The following M1AP variants were observed in gnomAD, a reference collection of about 807,000 sequenced individuals.
M1AP encodes meiosis 1 arrest protein.
In M1AP, 39 loss-of-function variants were observed where a neutral mutation model predicts 51.2. The observed-to-expected ratio is 0.76, with a 90% CI of 0.59 to 1.00. The LOEUF (loss-of-function observed/expected upper bound fraction) is 1.00, where lower values mean the gene tolerates loss of function less well. Ranked by LOEUF, M1AP falls within the 50% of genes least tolerant of loss-of-function variation. The pLI, the probability that M1AP is intolerant of heterozygous loss-of-function variation, is 0.00. For missense variants in M1AP, 545 were observed against 641.2 expected (o/e 0.85, Z 1.62); for synonymous variants, 251 against 249.2 (o/e 1.01, Z -0.07).
Position 74,629,457 on chromosome 2 carries a change from A to T in M1AP, c.240+10579T>A, listed in dbSNP as rs762205500. Among the ~76,000 whole-genome samples the T allele has an allele frequency of 3.3e-4, 50 of 152,332 alleles. 1 individual carries two copies. Among genetic ancestry groups the T allele is most frequent in the South Asian group, 1.0e-3 (5 of 4,832 alleles). ...TTTGTTTCATGAACAAAATTATTTT[A>T]AAAATGTTGTATAGGCTGGGCGCGG... On this transcript the variant is annotated intron_variant, in intron 2 of 10. Transcript: ENST00000421985.
At chr2:74,606,552 T>C (rs906599326) in intron 4 of M1AP, among the ~76,000 whole-genome samples, 1 of 152,112 alleles carries the variant, frequency 6.6e-6, no homozygotes, top group African/African-American at 2.4e-5. Context: ...TATATGTATC[T>C]ATAAAATATT....
intron 5 of M1AP, chr2:74,577,038 GC>G: frequency 5.6e-6 from 2 of 354,260 alleles, no homozygotes; most frequent in Non-Finnish European, 8.2e-6. Flanking sequence ...TCTTGCTTCT[GC>G]TGCTTCCTTG....
chr2:74,635,082 A>C (rs1311149624), intron 2 of M1AP, among the ~76,000 whole-genome samples: 1 of 152,132 alleles, frequency 6.6e-6, no homozygotes, highest in Non-Finnish European at 1.5e-5. Flanking sequence ...TTAAATGTTT[A>C]GTAGAATTCT....
intron 5 of M1AP, among the ~76,000 whole-genome samples, chr2:74,581,367 T>C (rs965425562): frequency 5.3e-5 from 8 of 152,098 alleles, no homozygotes; most frequent in Non-Finnish European, 1.2e-4. Context: ...AATGAGAATA[T>C]TGAGAAATGT....
At chr2:74,562,783 G>A (rs1678115358) in intron 7 of M1AP, among the ~76,000 whole-genome samples, 1 of 152,076 alleles carries the variant, frequency 6.6e-6, no homozygotes, top group African/African-American at 2.4e-5. Context: ...GAAGCCCATG[G>A]TGCGTGACTG....
chr2:74,565,148 G>A (rs1263252125), intron 7 of M1AP, among the ~76,000 whole-genome samples: 6 of 150,646 alleles, frequency 4.0e-5, no homozygotes, highest in East Asian at 2.0e-4. Context: ...ACTTGAACCC[G>A]GGAGGTGGAG....
chr2:74,627,039 G>C (rs1682438975), intron 2 of M1AP, among the ~76,000 whole-genome samples: 1 of 152,064 alleles, frequency 6.6e-6, no homozygotes, highest in Non-Finnish European at 1.5e-5. Flanking sequence ...TTGTACATTA[G>C]GGATAACTGA....
At chr2:74,645,468 C>G (rs927006434) in intron 1 of M1AP, among the ~76,000 whole-genome samples, 2 of 152,186 alleles carry the variant, frequency 1.3e-5, no homozygotes, top group African/African-American at 4.8e-5. Flanking sequence ...AGGGCTTGGA[C>G]ACCAGACCAA....
At chr2:74,617,910 G>T (rs956860487) in intron 2 of M1AP, among the ~76,000 whole-genome samples, 1 of 152,202 alleles carries the variant, frequency 6.6e-6, no homozygotes, top group Non-Finnish European at 1.5e-5. Flanking sequence ...TGACTGCTTA[G>T]TCTGTGCACA....
chr2:74,593,112 G>A (rs752934286), intron 4 of M1AP, among the ~76,000 whole-genome samples: 5 of 152,184 alleles, frequency 3.3e-5, no homozygotes, highest in Admixed American at 6.5e-5. Flanking sequence ...GCTGTCAAAC[G>A]TGTTAGGGGA....
At chr2:74,621,700 G>A (rs983556334) in intron 2 of M1AP, among the ~76,000 whole-genome samples, 1 of 151,192 alleles carries the variant, frequency 6.6e-6, no homozygotes, top group Non-Finnish European at 1.5e-5. Flanking sequence ...GGCTGAGGCA[G>A]GAGAATGGCG....
intron 2 of M1AP, among the ~76,000 whole-genome samples, chr2:74,629,177 G>C (rs1322331191): frequency 6.6e-6 from 1 of 152,166 alleles, no homozygotes; most frequent in African/African-American, 2.4e-5. Flanking sequence ...ATGATCATAA[G>C]ATGTTGCTTC....
At chr2:74,647,460 G>T in intron 1 of M1AP, 1 of 896,190 alleles carries the variant, frequency 1.1e-6, no homozygotes, top group Non-Finnish European at 1.3e-6. Flanking sequence ...TCGTCTTCGT[G>T]GACCCCTTCC....
chr2:74,597,502 A>G (rs987889123), intron 4 of M1AP, among the ~76,000 whole-genome samples: 13 of 151,582 alleles, frequency 8.6e-5, no homozygotes. Flanking sequence ...TTTTTCTGGC[A>G]TTCTTTAGGA....
At chr2:74,646,644 T>C (rs1170369706) in intron 1 of M1AP, among the ~76,000 whole-genome samples, 1 of 152,238 alleles carries the variant, frequency 6.6e-6, no homozygotes, top group Non-Finnish European at 1.5e-5. Flanking sequence ...GTTTGCTCTC[T>C]CATAAGTTTT....
At chr2:74,641,399 T>C (rs1683288724) in intron 1 of M1AP, among the ~76,000 whole-genome samples, 1 of 152,180 alleles carries the variant, frequency 6.6e-6, no homozygotes, top group African/African-American at 2.4e-5. Context: ...TCATCACAAA[T>C]GCTCAAACGT....
intron 5 of M1AP, among the ~76,000 whole-genome samples, chr2:74,578,862 A>ATT (rs11443928): frequency 6.6e-6 from 1 of 151,980 alleles, no homozygotes; most frequent in African/African-American, 2.4e-5. Context: ...GTTTTCTTTC[A>ATT]TTTTTTGTAG....
chr2:74,598,345 G>A (rs1680465103), intron 4 of M1AP, among the ~76,000 whole-genome samples: 3 of 152,108 alleles, frequency 2.0e-5, no homozygotes, highest in Non-Finnish European at 2.9e-5. Flanking sequence ...CTGCGCCACC[G>A]CACTCCAGCC....
At chr2:74,575,808 T>C (rs1349034526) in intron 6 of M1AP, among the ~76,000 whole-genome samples, 2 of 152,200 alleles carry the variant, frequency 1.3e-5, no homozygotes, top group African/African-American at 4.8e-5. Context: ...CTGGGAAGAG[T>C]TGAAGCAGAC....
Sources: allele counts gnomAD v4.1 joint callset (sites outside exome capture counted in the v4.1 genomes callset), GRCh38; gene constraint gnomAD v4.1.1; transcripts MANE v1.5; gene names NCBI Gene and HGNC (gene_info 2026-07-23, HGNC 2026-07-21).